Variants in PALS2 observed in about 807,000 individuals in gnomAD.
The protein encoded by PALS2 is protein associated with LIN7 2, MAGUK p55 family member.
Under a neutral mutation model 61.6 loss-of-function variants are expected in PALS2, and 27 were observed. The observed-to-expected ratio is 0.44, with a 90% CI of 0.32 to 0.60. The LOEUF is 0.60. Ranked by LOEUF, PALS2 falls within the 20% of genes least tolerant of loss-of-function variation. PALS2 has a pLI of 0.05. For synonymous variants in PALS2, 236 were observed against 218.6 expected, an observed-to-expected ratio of 1.08 and a Z score of -0.70; for missense variants, 554 against 639.4, an observed-to-expected ratio of 0.87 and a Z score of 1.44.
At chr7:24,641,007 C>CAA (rs35912373) in intron 2 of PALS2, among the ~76,000 whole-genome samples, 9,422 of 66,144 alleles carry the variant, frequency 0.14, 1,223 homozygotes, top group East Asian at 0.48. Context: ...GACTCCATCT[C>CAA]AAAAAAAAAA....
rs74416212 is a variant in PALS2 at position 24,652,625 on chromosome 7, A to C, written c.651+1913A>C. On this transcript the variant is annotated intron_variant, in intron 5 of 11. Transcript: ENST00000222644. ...TTAAATGAAAAGGGGAACATTACTC[A>C]TATGCTGGAATAATAGGCATAAACC... is the stretch of plus-strand genomic sequence containing the variant. 3.3e-4 allele frequency among the ~76,000 whole-genome samples: 50 copies of C among 152,126 alleles called. No homozygotes were observed. In the East Asian group the frequency reaches 9.1e-3, roughly 28 times the overall value.
chr7:24,609,960 C>T (rs1029971870), intron 1 of PALS2, among the ~76,000 whole-genome samples: 1 of 152,052 alleles, frequency 6.6e-6, no homozygotes, highest in Non-Finnish European at 1.5e-5. Context: ...GCTTTAAATA[C>T]TGATCATAAA....
At chr7:24,683,161 T>C (rs530405951) in intron 11 of PALS2, among the ~76,000 whole-genome samples, 175 of 152,330 alleles carry the variant, frequency 1.1e-3, no homozygotes, top group Non-Finnish European at 2.0e-3. Flanking sequence ...TTTTTAGGGA[T>C]GGCAAGGTGG....
intron 3 of PALS2, among the ~76,000 whole-genome samples, chr7:24,643,061 T>C (rs896601015): frequency 2.6e-5 from 4 of 152,060 alleles, no homozygotes; most frequent in Non-Finnish European, 5.9e-5. Context: ...CAGGATATAG[T>C]GATTGGTTGC....
At position 24,668,504 on chromosome 7, in the gene PALS2, G is replaced by T; in HGVS notation, c.958G>T (p.Asp320Tyr). 6.2e-7 allele frequency: 1 copy of T among 1,609,524 alleles called. No homozygotes were observed. The highest frequency in any genetic ancestry group is 8.5e-7 in the Non-Finnish European group (1 of 1,178,162). ...CCATTTCCTTTTTCATTTAGAATTT[G>T]ATCGTCATGAAATCCAGATATATGA... ...MYLTTRNAEF[D>Y]RHEIQIYEEV... Residue 320 changes from aspartate to tyrosine, a missense_variant, in exon 9 of 12, where the codon GAT becomes TAT. Physicochemically the swap from Asp to Tyr is radical, Grantham distance 160. Coordinates refer to ENST00000222644, the MANE Select transcript of PALS2 (RefSeq NM_001303037.2).
At chr7:24,630,116 G>A (rs926448429) in intron 2 of PALS2, among the ~76,000 whole-genome samples, 1 of 152,156 alleles carries the variant, frequency 6.6e-6, no homozygotes, top group African/African-American at 2.4e-5. Context: ...AGAAAATGTG[G>A]CACATATACA....
chr7:24,663,129 G>A (rs1055860358), intron 5 of PALS2, among the ~76,000 whole-genome samples: 1 of 152,178 alleles, frequency 6.6e-6, no homozygotes, highest in Non-Finnish European at 1.5e-5. Context: ...TTTCATATCT[G>A]ACTTCAACAT....
chr7:24,679,478 G>A, intron 10 of PALS2, 145 bp downstream of exon 10: 1 of 735,876 alleles, frequency 1.4e-6, no homozygotes, highest in Non-Finnish European at 2.2e-6. Context: ...GATAGAGAAT[G>A]TTATTATGTA....
At chr7:24,644,059 T>G (rs559645571) in intron 3 of PALS2, among the ~76,000 whole-genome samples, 1 of 152,094 alleles carries the variant, frequency 6.6e-6, no homozygotes, top group Non-Finnish European at 1.5e-5. Flanking sequence ...TGAACACAAG[T>G]TAATAATCCT....
chr7:24,627,768 A>G (rs888134503), intron 2 of PALS2, among the ~76,000 whole-genome samples: 3 of 152,350 alleles, frequency 2.0e-5, no homozygotes, highest in Admixed American at 1.3e-4. Context: ...AAAATCTAAA[A>G]GAAATGGATA....
In PALS2 at chr7:24,694,072, T is replaced by C. The variant is rs918251368; in HGVS notation, c.*6458T>C. The C allele has an allele frequency of 2.0e-5, 3 of 152,182 alleles. No homozygotes were observed. The highest frequency in any genetic ancestry group is 7.2e-5 in the African/African-American group (3 of 41,444). The allele number at this position is 152,182 out of a possible 1,614,324, so 9.4% of individuals were successfully genotyped here. A position where few individuals can be genotyped will look rare whatever the true frequency, so the allele number is the denominator to read the frequency against. On this transcript the variant is annotated 3_prime_UTR_variant, in exon 12 of 12. Coordinates refer to ENST00000222644, the MANE Select transcript of PALS2 (RefSeq NM_001303037.2). ...AAAGCTGAACAAGCTGCTTAAAGTTTCTGATTAAGAAGTTTAAAAAGAAAA... is the reference window on the plus strand; with the variant it reads ...AAAGCTGAACAAGCTGCTTAAAGTTCCTGATTAAGAAGTTTAAAAAGAAAA...
At chr7:24,619,147 T>C (rs1486639351) in intron 1 of PALS2, among the ~76,000 whole-genome samples, 1 of 152,256 alleles carries the variant, frequency 6.6e-6, no homozygotes, top group Non-Finnish European at 1.5e-5. Context: ...AATAGTTTAC[T>C]CATACTTTCC....
In PALS2 at chr7:24,603,262, G is replaced by A. The variant is rs79711200; in HGVS notation, c.-2-20404G>A. On this transcript the variant is annotated intron_variant, in intron 1 of 11. Transcript: ENST00000222644. ...AGCTTAGGACTAGCTGAGAAAACCA[G>A]CAGCTTTGCTGCCCAAAAGTTGTGG... Among the ~76,000 whole-genome samples, 725 of 152,302 alleles carry A rather than the reference G, an allele frequency of 4.8e-3. 33 individuals carry two copies. The East Asian group carries it at 0.11, about 22-fold the overall frequency.
chr7:24,653,820 T>G (rs1661568532), intron 5 of PALS2, among the ~76,000 whole-genome samples: 1 of 152,170 alleles, frequency 6.6e-6, no homozygotes. Context: ...CAGCGAACAC[T>G]TTGACCATTA....
intron 1 of PALS2, among the ~76,000 whole-genome samples, chr7:24,583,904 ATGCGG>A (rs1375053626): frequency 6.6e-6 from 1 of 151,520 alleles, no homozygotes; most frequent in East Asian, 1.9e-4. Flanking sequence ...GAGTGAGAAT[ATGCGG>A]TGTTTGGTTT....
At chr7:24,646,533 G>A (rs1396301364) in intron 3 of PALS2, among the ~76,000 whole-genome samples, 2 of 152,180 alleles carry the variant, frequency 1.3e-5, no homozygotes, top group East Asian at 3.8e-4. Context: ...GCTTTTTGAT[G>A]TGCCGATTGA....
chr7:24,638,317 A>G (rs1472350378), intron 2 of PALS2, among the ~76,000 whole-genome samples: 16 of 14,254 alleles, frequency 1.1e-3, no homozygotes. Context: ...CAATTTCTGT[A>G]TTTTCTTTTT....
chr7:24,590,868 T>A (rs1783258968), intron 1 of PALS2, among the ~76,000 whole-genome samples: 1 of 150,412 alleles, frequency 6.6e-6, no homozygotes, highest in South Asian at 2.1e-4. Context: ...TTTGAGGGGA[T>A]GTTTTCAGTA....
intron 1 of PALS2, among the ~76,000 whole-genome samples, chr7:24,588,075 C>G (rs766382361): frequency 2.6e-5 from 4 of 152,058 alleles, no homozygotes; most frequent in Admixed American, 6.6e-5. Flanking sequence ...TGTTACTAAG[C>G]AATTCATTGG....
Sources: allele counts gnomAD v4.1 joint callset (sites outside exome capture counted in the v4.1 genomes callset), GRCh38; gene constraint gnomAD v4.1.1; transcripts MANE v1.5; gene names NCBI Gene and HGNC (gene_info 2026-07-23, HGNC 2026-07-21).